Variants in GOLGA3 observed in about 807,000 individuals in gnomAD.
GOLGA3 encodes golgin subfamily A member 3.
GOLGA3 carries 75 observed loss-of-function variants against 169.4 expected under a neutral mutation model. The ratio of observed to expected loss-of-function variants is 0.44; its 90% CI spans 0.37 to 0.54. The LOEUF is 0.54. Ranked by LOEUF, GOLGA3 falls within the 20% of genes least tolerant of loss-of-function variation. The probability of loss-of-function intolerance (pLI) is 0.00; values close to 1 mark genes in which losing one functional copy is unlikely to be tolerated. For missense variants in GOLGA3, 1,899 were observed against 1,930.0 expected (o/e 0.98, Z 0.30); for synonymous variants, 824 against 822.4 (o/e 1.00, Z -0.03).
chr12:132,774,821 C>G (rs2045132079), intron 22 of GOLGA3: 2 of 480,090 alleles, frequency 4.2e-6, no homozygotes, highest in Non-Finnish European at 3.6e-6. Context: ...CGCCGGGCGC[C>G]TGGGCACAGC....
At chr12:132,788,626 C>T (rs1280253762) in intron 13 of GOLGA3, among the ~76,000 whole-genome samples, 7 of 152,208 alleles carry the variant, frequency 4.6e-5, no homozygotes, top group African/African-American at 1.4e-4. Context: ...CCCCGGGCCC[C>T]GACGCCCTGC....
At chr12:132,794,392 G>A (rs1402037793) in intron 11 of GOLGA3, among the ~76,000 whole-genome samples, 1 of 151,612 alleles carries the variant, frequency 6.6e-6, no homozygotes, top group East Asian at 1.9e-4. Flanking sequence ...ACAAGGCCAG[G>A]CAGAGTGGCC....
intron 15 of GOLGA3, among the ~76,000 whole-genome samples, chr12:132,785,102 C>T (rs2045827868): frequency 6.6e-6 from 1 of 152,240 alleles, no homozygotes; most frequent in African/African-American, 2.4e-5. Context: ...TGCCAAAAGT[C>T]ACCACTTGCG....
chr12:132,811,227 CTCTT>C (rs1949692985), intron 4 of GOLGA3, among the ~76,000 whole-genome samples: 1 of 119,636 alleles, frequency 8.4e-6, no homozygotes, highest in Middle Eastern at 3.9e-3. Flanking sequence ...TGTCTTTTAT[CTCTT>C]TGTCTTGTGT....
chr12:132,801,942 G>T lies in GOLGA3; in HGVS notation c.1625C>A (p.Ala542Asp). 6.3e-7 allele frequency: 1 copy of T among 1,599,246 alleles called. No individual in the cohort carries two copies. Among genetic ancestry groups the T allele is most frequent in the Non-Finnish European group, 8.5e-7 (1 of 1,178,806 alleles). Residue 542 changes from alanine (A) to aspartate (D), a missense_variant, in exon 8 of 24, where the codon GCC (alanine) becomes GAC (aspartate). Transcript: ENST00000450791. ...CACCTGCTGAAGCTGGCTCTGCAAGGCTGTCATCTGCTGTCGCAGGTCGTG... is the reference window on the plus strand; with the variant it reads ...CACCTGCTGAAGCTGGCTCTGCAAGTCTGTCATCTGCTGTCGCAGGTCGTG... ...TVHDLRQQMT[A>D]LQSQLQQVQL...
rs1343609607 is a variant in GOLGA3, at chr12:132,804,749, T to A, written c.1564A>T (p.Met522Leu). 1 of 1,614,156 alleles carries A rather than the reference T, an allele frequency of 6.2e-7. No individual in the cohort carries two copies. The highest frequency in any genetic ancestry group is 8.5e-7 in the Non-Finnish European group (1 of 1,179,974). The change falls in exon 7 of 24, where the codon ATG (methionine) becomes TTG (leucine). Residue 522 changes from methionine to leucine, a missense_variant. Coordinates refer to ENST00000450791, the MANE Select transcript of GOLGA3 (RefSeq NM_001389683.1). The surrounding 1 kb of genome is among the most constrained non-coding windows in gnomAD (Gnocchi z 4.1). ...YQRLMAKVED[M>L]QRSMLSKDNT... ...TCCTTGCTGAGCATGCTCCTCTGCA[T>A]GTCCTCTACCTTGGCCATAAGCCTC...
In GOLGA3 at chr12:132,804,769, A is replaced by C; in HGVS notation, c.1544T>G (p.Leu515Arg). The change falls in exon 7 of 24, where the codon CTT becomes CGT. Residue 515 changes from leucine to arginine, a missense_variant. Leu to Arg is a moderately radical substitution (Grantham distance 102). Coordinates refer to ENST00000450791, the MANE Select transcript of GOLGA3 (RefSeq NM_001389683.1). This position sits in a 1 kb window ranked among gnomAD's most constrained non-coding sequence, Gnocchi z 4.1. ...LQVAEEQYQR[L>R]MAKVEDMQRS... ...CTGCATGTCCTCTACCTTGGCCATA[A>C]GCCTCTGGTACTGCTCCTCGGCCAC... 6.2e-7 allele frequency: 1 copy of C among 1,614,226 alleles called. No homozygotes were observed. Among genetic ancestry groups the C allele is most frequent in the Non-Finnish European group, 8.5e-7 (1 of 1,180,034 alleles).
chr12:132,780,306 T>C (rs948937711), intron 18 of GOLGA3, among the ~76,000 whole-genome samples: 1 of 152,060 alleles, frequency 6.6e-6, no homozygotes, highest in African/African-American at 2.4e-5. Context: ...AGCAGCAGCG[T>C]TCTAACAGAG....
At position 132,786,350 on chromosome 12, in the gene GOLGA3, G is replaced by A. The variant is rs762370391; in HGVS notation, c.3112C>T (p.Leu1038=). The A allele has an allele frequency of 1.9e-6, 3 of 1,602,740 alleles. No individual in the cohort carries two copies. In the East Asian group the frequency reaches 6.7e-5, roughly 36 times the overall value. Residue 1038 remains leucine (L), a synonymous_variant, in exon 15 of 24, where the codon CTG becomes TTG. Transcript: ENST00000450791. ...ACGGTGTTACCTACATGTAGAGCCAGGCTGCTGTCACTGCTGCCACCCTGG... is the reference window on the plus strand; with the variant it reads ...ACGGTGTTACCTACATGTAGAGCCAAGCTGCTGTCACTGCTGCCACCCTGG... ...RAQGGSSDSS[L]ALHERIQALE...
rs1197153218 is a variant in GOLGA3, at chr12:132,777,679, C to T, written c.3709G>A (p.Ala1237Thr). 1 of 1,614,084 alleles carries T rather than the reference C, an allele frequency of 6.2e-7. No homozygotes were observed. The highest frequency in any genetic ancestry group is 8.5e-7 in the Non-Finnish European group (1 of 1,179,984). ...EHLVQKLQAE[A>T]DDLQIREGKH... is the part of the protein sequence containing the mutation. ...CCAGGCACTCACTGAAGGTCGTCGG[C>T]CTCGGCCTGCAGCTTCTGCACCAGG... The change falls in exon 19 of 24, where the codon GCC becomes ACC. Residue 1237 changes from alanine (A) to threonine (T), a missense_variant. Transcript: ENST00000450791. This position sits in a 1 kb window ranked among gnomAD's most constrained non-coding sequence, Gnocchi z 4.7.
chr12:132,779,221 AGG>A (rs2045415756), intron 18 of GOLGA3, among the ~76,000 whole-genome samples: 1 of 152,112 alleles, frequency 6.6e-6, no homozygotes, highest in Non-Finnish European at 1.5e-5. Flanking sequence ...CTGGGACTAC[AGG>A]CATGTGCCAC....
chr12:132,825,727 C>G (rs1173437202), intron 1 of GOLGA3: 33 of 1,540,298 alleles, frequency 2.1e-5, no homozygotes, highest in Non-Finnish European at 2.5e-5. Context: ...CTGAGCGTGC[C>G]TACCAAAAGC....
Position 132,770,770 on chromosome 12 carries a change from G to A in GOLGA3, c.*2335C>T, listed in dbSNP as rs2044865355. Reference sequence around the variant, plus strand: ...CTGCCTCAGCCTCCCAAGTAGCTGGGATTATAGGTGCGCACTACGACACCC... The same window carrying A: ...CTGCCTCAGCCTCCCAAGTAGCTGGAATTATAGGTGCGCACTACGACACCC... On this transcript the variant is annotated 3_prime_UTR_variant, in exon 24 of 24. Coordinates refer to ENST00000450791, the MANE Select transcript of GOLGA3 (RefSeq NM_001389683.1). 6.6e-6 allele frequency: 1 copy of A among 152,234 alleles called. No individual in the cohort carries two copies. The highest frequency in any genetic ancestry group is 1.5e-5 in the Non-Finnish European group (1 of 68,070). 9.4% of individuals were successfully genotyped at this position (152,234 alleles called of 1,614,324 possible). A position where few individuals can be genotyped will look rare whatever the true frequency, so the allele number is the denominator to read the frequency against.
At position 132,777,303 on chromosome 12, in the gene GOLGA3, T is replaced by C. The variant is rs1238439722; in HGVS notation, c.3723-213A>G. Among the ~76,000 whole-genome samples, 1 of 151,944 alleles carries C rather than the reference T, an allele frequency of 6.6e-6. No individual in the cohort carries two copies. The highest frequency in any genetic ancestry group is 6.6e-5 in the Admixed American group (1 of 15,242). On this transcript the variant is annotated intron_variant, in intron 19 of 23. Coordinates refer to ENST00000450791, the MANE Select transcript of GOLGA3 (RefSeq NM_001389683.1). The surrounding 1 kb of genome is among the most constrained non-coding windows in gnomAD (Gnocchi z 4.7). ...ACACTTCACTGGCACCCCTCACAGA[T>C]CCCAGAGACTCACTTTGCCGGCACC...
intron 9 of GOLGA3, 110 bp from the exon 10 acceptor site, chr12:132,796,810 C>T (rs1380821925): frequency 9.3e-7 from 1 of 1,077,466 alleles, no homozygotes; most frequent in Non-Finnish European, 1.4e-6. Flanking sequence ...GGGCCCCATC[C>T]ACCTCCTCAT....
At position 132,807,296 on chromosome 12, in the gene GOLGA3, CA is replaced by C; in HGVS notation, c.1179-9del. ...GAGCTCTCCAAGGACACGCTGGGGACAAAGGCACGGGTCAGGCCTGTGCGAG... is the reference window on the plus strand; with the variant it reads ...GAGCTCTCCAAGGACACGCTGGGGACAAGGCACGGGTCAGGCCTGTGCGAG... On this transcript the variant is annotated splice_polypyrimidine_tract_variant and intron_variant, in intron 5 of 23. Transcript: ENST00000450791. The C allele has an allele frequency of 6.6e-7, 1 of 1,513,202 alleles. No homozygotes were observed. The highest frequency in any genetic ancestry group is 9.0e-7 in the Non-Finnish European group (1 of 1,110,620). The allele number at this position is 1,513,202 out of a possible 1,614,324, so 93.7% of individuals were successfully genotyped here.
At chr12:132,817,109 T>G (rs1388098221) in intron 2 of GOLGA3, among the ~76,000 whole-genome samples, 3 of 150,316 alleles carry the variant, frequency 2.0e-5, no homozygotes, top group Non-Finnish European at 3.0e-5. Context: ...CGCTCTAACG[T>G]GAACTCACCC....
rs200898397 is a variant in GOLGA3, at chr12:132,796,539, C to T, written c.2100G>A (p.Gln700=). 3.7e-5 allele frequency: 60 copies of T among 1,608,616 alleles called. No homozygotes were observed. The East Asian group carries it at 1.3e-3, about 35-fold the overall frequency. Residue 700 remains glutamine, a splice_region_variant and synonymous_variant, in exon 10 of 24, where the codon CAG becomes CAA. Coordinates refer to ENST00000450791, the MANE Select transcript of GOLGA3 (RefSeq NM_001389683.1). ...SAASLEQQLE[Q]VKLTLLQRDQ... ...AGCCTGAAGGGCTGCAGGGACTTAC[C>T]TGCTCCAGCTGCTGCTCCAGGGATG...
chr12:132,801,865 T>A lies in GOLGA3; in HGVS notation c.1702A>T (p.Ile568Phe). ...TSKLKASQAE[I>F]SSLQSVRQWY... The stretch of plus-strand genomic sequence containing the variant: ...TGCCGGACACTCTGCAGGGACGAGA[T>A]CTCCGCCTGCGACGCCTTCAGCTTG... The change falls in exon 8 of 24, where the codon ATC becomes TTC. Residue 568 changes from isoleucine (I) to phenylalanine (F), a missense_variant. Ile to Phe is a conservative substitution (Grantham distance 21, BLOSUM62 0). Transcript: ENST00000450791. 1 of 1,605,672 alleles carries A rather than the reference T, an allele frequency of 6.2e-7. No individual in the cohort carries two copies. Among genetic ancestry groups the A allele is most frequent in the Non-Finnish European group, 8.5e-7 (1 of 1,179,920 alleles).
Sources: allele counts gnomAD v4.1 joint callset (sites outside exome capture counted in the v4.1 genomes callset), GRCh38; gene constraint gnomAD v4.1.1; non-coding constraint Gnocchi (gnomAD v3.1); transcripts MANE v1.5; gene names NCBI Gene and HGNC (gene_info 2026-07-23, HGNC 2026-07-21).